Variants in MSRA observed in about 807,000 individuals in gnomAD.
MSRA encodes the protein methionine sulfoxide reductase A, also known as mitochondrial peptide methionine sulfoxide reductase.
MSRA carries 54 observed loss-of-function variants against 31.3 expected under a neutral mutation model. The ratio of observed to expected loss-of-function variants is 1.73; its 90% CI spans 1.39 to 2.17. The LOEUF (loss-of-function observed/expected upper bound fraction) is 2.17. Ranked by LOEUF, MSRA falls within the 30% of genes most tolerant of loss-of-function variation. MSRA has a pLI of 0.00. For missense variants in MSRA, 507 were observed against 300.9 expected (o/e 1.69, Z -5.07); for synonymous variants, 169 against 116.5 (o/e 1.45, Z -2.90).
At chr8:10,186,672 T>G (rs1325835393) in intron 1 of MSRA, among the ~76,000 whole-genome samples, 1 of 152,178 alleles carries the variant, frequency 6.6e-6, no homozygotes, top group Admixed American at 6.5e-5. Flanking sequence ...AACCTTTAAC[T>G]GCAGGTGAAA....
Position 10,215,119 on chromosome 8 carries a change from A to C in MSRA, c.211+7218A>C, listed in dbSNP as rs553039285. ...ATTGTAGAGGGGAGTAAGTTAGAGA[A>C]TGTTTCATATAATAACACTTTACTT... On this transcript the variant is annotated intron_variant, in intron 2 of 5. Transcript: ENST00000317173. Among the ~76,000 whole-genome samples, 6 of 152,262 alleles carry C rather than the reference A, an allele frequency of 3.9e-5. No homozygotes were observed. The South Asian group carries it at 1.2e-3, about 32-fold the overall frequency.
At chr8:10,421,106 G>T (rs552078623) in intron 5 of MSRA, among the ~76,000 whole-genome samples, 1 of 152,210 alleles carries the variant, frequency 6.6e-6, no homozygotes, top group East Asian at 1.9e-4. Context: ...TCACATACAG[G>T]CTGATCCATG....
intron 1 of MSRA, among the ~76,000 whole-genome samples, chr8:10,139,559 ACTCT>A (rs1802532515): frequency 6.6e-6 from 1 of 151,900 alleles, no homozygotes; most frequent in Non-Finnish European, 1.5e-5. Context: ...CTGTTTTTAC[ACTCT>A]CTATGTCCAT....
At position 10,320,000 on chromosome 8, in the gene MSRA, C is replaced by T; in HGVS notation, c.543+11C>T. ...GAGAACTACCAAAAGGTAGGGATTGCTGGGCTCCTAGCCCCTGGCTTAGGC... is the reference window on the plus strand; with the variant it reads ...GAGAACTACCAAAAGGTAGGGATTGTTGGGCTCCTAGCCCCTGGCTTAGGC... On this transcript the variant is annotated intron_variant, in intron 5 of 5. Coordinates refer to ENST00000317173, the MANE Select transcript of MSRA (RefSeq NM_012331.5). 6.3e-7 allele frequency: 1 copy of T among 1,581,270 alleles called. No individual in the cohort carries two copies. Among genetic ancestry groups the T allele is most frequent in the Non-Finnish European group, 8.6e-7 (1 of 1,159,600 alleles).
At chr8:10,069,403 T>C (rs1000971737) in intron 1 of MSRA, among the ~76,000 whole-genome samples, 22 of 152,334 alleles carry the variant, frequency 1.4e-4, no homozygotes, top group African/African-American at 5.1e-4. Context: ...TTTTTAAAAA[T>C]AGATGTTTGT....
chr8:10,229,566 C>T (rs773840619), intron 2 of MSRA, among the ~76,000 whole-genome samples: 2 of 149,054 alleles, frequency 1.3e-5, no homozygotes, highest in South Asian at 2.1e-4. Context: ...GGTGTGCCTG[C>T]GCATGTGGGG....
intron 3 of MSRA, among the ~76,000 whole-genome samples, chr8:10,258,346 CAA>C (rs1248766130): frequency 6.6e-6 from 1 of 152,166 alleles, no homozygotes; most frequent in African/African-American, 2.4e-5. Flanking sequence ...GTGAGAAAGA[CAA>C]AACACCCAGC....
At chr8:10,212,412 G>T (rs1430252877) in intron 2 of MSRA, among the ~76,000 whole-genome samples, 6 of 152,046 alleles carry the variant, frequency 3.9e-5, no homozygotes. Context: ...ACCAAGTTAA[G>T]TAGAAATGGA....
intron 1 of MSRA, among the ~76,000 whole-genome samples, chr8:10,190,218 G>C (rs141334604): frequency 6.6e-6 from 1 of 152,122 alleles, no homozygotes; most frequent in Non-Finnish European, 1.5e-5. Flanking sequence ...AGGACCTTCC[G>C]TTGAGCCTGC....
At chr8:10,152,938 C>T (rs1400044965) in intron 1 of MSRA, among the ~76,000 whole-genome samples, 3 of 152,076 alleles carry the variant, frequency 2.0e-5, no homozygotes, top group East Asian at 1.9e-4. Flanking sequence ...TCCACTGAGT[C>T]GAGGTTCCTA....
intron 2 of MSRA, among the ~76,000 whole-genome samples, chr8:10,214,851 G>A (rs1397470504): frequency 1.3e-5 from 2 of 152,168 alleles, no homozygotes; most frequent in African/African-American, 4.8e-5. Context: ...TCTTGTGCAT[G>A]ATTTCAACTT....
intron 3 of MSRA, among the ~76,000 whole-genome samples, chr8:10,259,573 C>T (rs867298314): frequency 6.6e-6 from 1 of 152,126 alleles, no homozygotes; most frequent in Admixed American, 6.5e-5. Context: ...TTTCCCCATT[C>T]CCATTTCTTC....
chr8:10,054,411 G>GGC lies in MSRA; in HGVS notation c.-106_-105insGC. The GGC allele has an allele frequency of 4.6e-6, 3 of 649,108 alleles. No homozygotes were observed. Among genetic ancestry groups the GGC allele is most frequent in the Non-Finnish European group, 6.1e-6 (3 of 493,998 alleles). The allele number at this position is 649,108 out of a possible 1,614,324, so 40.2% of individuals were successfully genotyped here. ...CCCGCGCCCGCCCGCCCGCGCCCCT[G>GGC]CCGCCCCCCGGTTCCGGCCGCGGAC... On this transcript the variant is annotated 5_prime_UTR_variant, in exon 1 of 6. Transcript: ENST00000317173.
chr8:10,362,650 G>A (rs931612574), intron 5 of MSRA, among the ~76,000 whole-genome samples: 8 of 151,928 alleles, frequency 5.3e-5, no homozygotes, highest in African/African-American at 1.9e-4. Flanking sequence ...CGTTGTCCCT[G>A]CTCCCCCACC....
chr8:10,245,340 C>T, intron 3 of MSRA, 117 bp downstream of exon 3: 5 of 989,394 alleles, frequency 5.1e-6, no homozygotes, highest in Admixed American at 4.7e-5. Context: ...TTTCTTCAAT[C>T]TTTATTATTT....
intron 3 of MSRA, among the ~76,000 whole-genome samples, chr8:10,296,442 G>C (rs899589669): frequency 6.6e-6 from 1 of 152,044 alleles, no homozygotes; most frequent in Non-Finnish European, 1.5e-5. Context: ...TCTTTGTTTT[G>C]TCACAGAGAT....
intron 3 of MSRA, among the ~76,000 whole-genome samples, chr8:10,275,928 A>G (rs1284223211): frequency 6.6e-6 from 1 of 152,206 alleles, no homozygotes; most frequent in African/African-American, 2.4e-5. Flanking sequence ...GTTCCATAGA[A>G]AATCATTAAT....
chr8:10,089,107 G>A (rs2128926538), intron 1 of MSRA, among the ~76,000 whole-genome samples: 1 of 150,260 alleles, frequency 6.7e-6, no homozygotes, highest in Non-Finnish European at 1.5e-5. Context: ...AGGGATTTTT[G>A]TTAAATAAGT....
chr8:10,270,931 A>G (rs1177062277), intron 3 of MSRA, among the ~76,000 whole-genome samples: 4 of 152,210 alleles, frequency 2.6e-5, no homozygotes, highest in Non-Finnish European at 5.9e-5. Context: ...TTGCCACGGC[A>G]GAAATGCTGA....
Sources: gnomAD v4.1 joint callset for allele counts (sites outside exome capture counted in the v4.1 genomes callset) on GRCh38, gnomAD v4.1.1 for gene constraint, MANE v1.5 for transcripts, NCBI Gene and HGNC (gene_info 2026-07-23, HGNC 2026-07-21) for gene names.